Variants in NF1 observed in about 807,000 individuals in gnomAD.
The protein encoded by NF1 is neurofibromin 1.
In NF1, 122 loss-of-function variants were observed where a neutral mutation model predicts 325.7. The ratio of observed to expected loss-of-function variants is 0.37; its 90% CI spans 0.32 to 0.44. NF1 has a LOEUF of 0.44. NF1 is among the 20% of genes least tolerant of loss of function. The pLI is 1.00. For missense variants in NF1, 2,140 were observed against 3,415.4 expected, an observed-to-expected ratio of 0.63 and a Z score of 9.31; for synonymous variants, 1,091 against 1,186.0, an observed-to-expected ratio of 0.92 and a Z score of 1.65.
chr17:31,130,846 T>C (rs1220335109), intron 1 of NF1, among the ~76,000 whole-genome samples: 1 of 152,196 alleles, frequency 6.6e-6, no homozygotes, highest in Non-Finnish European at 1.5e-5. Flanking sequence ...GGCGAGTGCC[T>C]GCAGGCAAAG....
At chr17:31,142,753 G>T (rs1159599497) in intron 1 of NF1, among the ~76,000 whole-genome samples, 1 of 152,004 alleles carries the variant, frequency 6.6e-6, no homozygotes, top group Non-Finnish European at 1.5e-5. Context: ...TGTAGTCCCA[G>T]CTACTCGGGA....
At chr17:31,203,776 A>G (rs1438643005) in intron 11 of NF1, among the ~76,000 whole-genome samples, 5 of 151,760 alleles carry the variant, frequency 3.3e-5, no homozygotes, top group Non-Finnish European at 5.9e-5. Context: ...CAGTCCACAC[A>G]TTTTTTTTAA....
rs780529277 is a variant in NF1 at position 31,326,205 on chromosome 17, C to A, written c.5221C>A (p.His1741Asn). The change falls in exon 37 of 58, where the codon CAC becomes AAC. Residue 1741 changes from histidine (H) to asparagine (N), a missense_variant. By Grantham distance (68) the His-to-Asn change is moderately conservative (BLOSUM62 1). Transcript: ENST00000358273. ...LALEEDLKVF[H>N]NALKLAHKDT... ...TTTAGAAGAGGACCTGAAGGTATTC[C>A]ACAATGCTCTCAAGCTAGCTCACAA... The A allele has an allele frequency of 1.6e-5, 26 of 1,612,828 alleles. No homozygotes were observed. The highest frequency in any genetic ancestry group is 2.1e-5 in the Non-Finnish European group (25 of 1,179,930).
intron 36 of NF1, among the ~76,000 whole-genome samples, chr17:31,291,041 T>C (rs2068334766): frequency 6.6e-6 from 1 of 151,948 alleles, no homozygotes; most frequent in African/African-American, 2.4e-5. Flanking sequence ...AATAAATAAA[T>C]AAGTTAATGT....
At chr17:31,184,482 T>C (rs1234028933) in intron 8 of NF1, among the ~76,000 whole-genome samples, 1 of 150,862 alleles carries the variant, frequency 6.6e-6, no homozygotes. Context: ...ACCCTGTCTC[T>C]ACTAAAAATA....
chr17:31,181,266 A>G (rs972287171), intron 5 of NF1, among the ~76,000 whole-genome samples, 156 bp from the exon 6 acceptor site: 3 of 152,208 alleles, frequency 2.0e-5, no homozygotes, highest in Admixed American at 6.5e-5. Context: ...GCAGACAACT[A>G]TCGAGTTTTG....
At chr17:31,308,262 C>T (rs1299785664) in intron 36 of NF1, among the ~76,000 whole-genome samples, 8 of 151,928 alleles carry the variant, frequency 5.3e-5, no homozygotes, top group Non-Finnish European at 1.0e-4. Flanking sequence ...CTCATCCTCC[C>T]GAGTAGCTGG....
At chr17:31,097,532 T>C (rs1361997136) in intron 1 of NF1, among the ~76,000 whole-genome samples, 1 of 151,950 alleles carries the variant, frequency 6.6e-6, no homozygotes, top group Non-Finnish European at 1.5e-5. Flanking sequence ...TGTTTCTCCT[T>C]CTGTCCCTAG....
At chr17:31,298,654 A>C (rs1032900361) in intron 36 of NF1, among the ~76,000 whole-genome samples, 2 of 152,142 alleles carry the variant, frequency 1.3e-5, no homozygotes, top group African/African-American at 4.8e-5. Context: ...TTGCCACTTT[A>C]CTTTGAGGGT....
At position 31,258,521 on chromosome 17, in the gene NF1, C is replaced by T. The variant is rs759721391; in HGVS notation, c.4332+19C>T. 6.2e-7 allele frequency: 1 copy of T among 1,611,582 alleles called. No homozygotes were observed. The highest frequency in any genetic ancestry group is 1.3e-5 in the African/African-American group (1 of 74,974). ...GTCAAAGGTGAATTATTTTGATAAT[C>T]TAGCTATCTTAAATTCCCCTTCCAA... is the stretch of plus-strand genomic sequence containing the variant. On this transcript the variant is annotated intron_variant, in intron 32 of 57. Coordinates refer to ENST00000358273, the MANE Select transcript of NF1 (RefSeq NM_001042492.3).
At chr17:31,247,925 G>A (rs1412169363) in intron 29 of NF1, among the ~76,000 whole-genome samples, 3 of 152,148 alleles carry the variant, frequency 2.0e-5, no homozygotes, top group Non-Finnish European at 4.4e-5. Context: ...TCATTCAGCC[G>A]GGCGTGGTGG....
intron 36 of NF1, among the ~76,000 whole-genome samples, chr17:31,273,309 T>A (rs2067938575): frequency 6.6e-6 from 1 of 152,072 alleles, no homozygotes; most frequent in Non-Finnish European, 1.5e-5. Flanking sequence ...TGAGGTTTTC[T>A]TCATTAACAA....
intron 31 of NF1, chr17:31,254,289 AAAAG>A (rs1345516654): frequency 1.5e-4 from 22 of 151,240 alleles, no homozygotes; most frequent in African/African-American, 5.1e-4. Flanking sequence ...AAAAAAAAAA[AAAAG>A]AAAACGAAAA....
chr17:31,363,414 A>G (rs2070440901), intron 57 of NF1, among the ~76,000 whole-genome samples: 1 of 150,124 alleles, frequency 6.7e-6, no homozygotes, highest in African/African-American at 2.4e-5. Flanking sequence ...AGCTCCATGT[A>G]ATCTTATATC....
chr17:31,134,224 A>G (rs1915599974), intron 1 of NF1, among the ~76,000 whole-genome samples: 1 of 152,176 alleles, frequency 6.6e-6, no homozygotes, highest in Admixed American at 6.5e-5. Flanking sequence ...TCAGTTTTGA[A>G]TATTTCATTT....
intron 1 of NF1, chr17:31,137,121 C>T (rs1915841070): frequency 6.6e-6 from 1 of 152,016 alleles, no homozygotes. Context: ...TTTAGGTCTC[C>T]TTTTTGTTGT....
At chr17:31,113,652 C>G (rs990073098) in intron 1 of NF1, among the ~76,000 whole-genome samples, 2 of 152,136 alleles carry the variant, frequency 1.3e-5, no homozygotes, top group African/African-American at 4.8e-5. Context: ...ACCTCAGCTT[C>G]CTCAGTAGCT....
intron 36 of NF1, chr17:31,294,484 C>A: frequency 6.0e-6 from 1 of 165,940 alleles, no homozygotes; most frequent in East Asian, 1.7e-4. Flanking sequence ...GTAGCATAAC[C>A]ATTCATGGGA....
intron 36 of NF1, among the ~76,000 whole-genome samples, chr17:31,312,617 T>C (rs1051524729): frequency 5.3e-5 from 8 of 151,352 alleles, no homozygotes; most frequent in Non-Finnish European, 1.0e-4. Flanking sequence ...GTGAAAAAAA[T>C]TTAATATAAT....
Sources: gnomAD v4.1 joint callset for allele counts (sites outside exome capture counted in the v4.1 genomes callset) on GRCh38, gnomAD v4.1.1 for gene constraint, MANE v1.5 for transcripts, NCBI Gene and HGNC (gene_info 2026-07-23, HGNC 2026-07-21) for gene names.